The following GLG1 variants were observed in gnomAD, a reference collection of about 807,000 sequenced individuals.
GLG1 encodes the protein Golgi apparatus protein 1.
GLG1 carries 38 observed loss-of-function variants against 160.5 expected under a neutral mutation model. The observed-to-expected ratio is 0.24, with a 90% CI of 0.18 to 0.31. The LOEUF (loss-of-function observed/expected upper bound fraction) is 0.31, where lower values mean the gene tolerates loss of function less well. Among genes scored for constraint, GLG1 ranks in the 10% least tolerant of loss-of-function variants. The pLI, the probability that GLG1 is intolerant of heterozygous loss-of-function variation, is 1.00. For synonymous variants in GLG1, 644 were observed against 543.4 expected, an observed-to-expected ratio of 1.19 and a Z score of -2.57; for missense variants, 1,373 against 1,505.2, an observed-to-expected ratio of 0.91 and a Z score of 1.45.
intron 19 of GLG1, 113 bp from the exon 20 acceptor site, chr16:74,463,592 T>A: frequency 9.7e-7 from 1 of 1,035,408 alleles, no homozygotes; most frequent in Non-Finnish European, 1.4e-6. Context: ...CAGGCTGGAG[T>A]GCAGTGGCGC....
Position 74,462,194 on chromosome 16 carries a change from C to T in GLG1, c.2936G>A (p.Arg979His), listed in dbSNP as rs747801657. Residue 979 changes from arginine (R) to histidine (H), a missense_variant and splice_region_variant, in exon 22 of 26, where the codon CGC (arginine) becomes CAC (histidine). This residue lies in a region of GLG1 where 491 missense variants were observed against 632.1 expected (regional missense o/e 0.78). Coordinates refer to ENST00000422840, the MANE Select transcript of GLG1 (RefSeq NM_001145667.2). ...CTGGTCTTCACAGTCTGAAGACAGG[C>T]GCTGCATGTGACAAAGGGAGGATAC... ...SCLKLRYADQ[R>H]LSSDCEDQIR... is the part of the protein sequence containing the mutation. 26 of 1,563,702 alleles carry T rather than the reference C, an allele frequency of 1.7e-5. No homozygotes were observed. The Admixed American group carries it at 1.7e-4, about 10-fold the overall frequency.
intron 6 of GLG1, among the ~76,000 whole-genome samples, chr16:74,494,282 T>C (rs2016104265): frequency 1.3e-5 from 2 of 152,260 alleles, no homozygotes; most frequent in Admixed American, 1.3e-4. Flanking sequence ...TTCATTTTCT[T>C]GGTTTCAGCC....
chr16:74,601,930 G>C (rs1358066600), intron 1 of GLG1, among the ~76,000 whole-genome samples: 1 of 152,122 alleles, frequency 6.6e-6, no homozygotes, highest in Non-Finnish European at 1.5e-5. Flanking sequence ...TATAACATCA[G>C]ACAACTTACT....
At chr16:74,556,691 T>C (rs2018363075) in intron 1 of GLG1, among the ~76,000 whole-genome samples, 1 of 149,184 alleles carries the variant, frequency 6.7e-6, no homozygotes, top group African/African-American at 2.5e-5. Context: ...TATTATTTTT[T>C]TATTATTTTA....
Position 74,470,086 on chromosome 16 carries a change from GAGAA to G in GLG1, c.2230-17_2230-14del, listed in dbSNP as rs751404180. ...CCTTCATCTGCACCTGAAAGGTAAA[GAGAA>G]AGAAAGTCAGAAGTTTTGTGGCAAC... On this transcript the variant is annotated splice_polypyrimidine_tract_variant and intron_variant, in intron 15 of 25. Transcript: ENST00000422840. 6 of 1,550,272 alleles carry G rather than the reference GAGAA, an allele frequency of 3.9e-6. No homozygotes were observed. In the South Asian group the frequency reaches 4.5e-5, roughly 12 times the overall value.
At chr16:74,557,062 T>C (rs1486142640) in intron 1 of GLG1, among the ~76,000 whole-genome samples, 2 of 152,170 alleles carry the variant, frequency 1.3e-5, no homozygotes, top group East Asian at 1.9e-4. Context: ...AAAGAATCTT[T>C]ATATTTTTGC....
At chr16:74,591,150 G>A (rs1255693257) in intron 1 of GLG1, among the ~76,000 whole-genome samples, 1 of 151,894 alleles carries the variant, frequency 6.6e-6, no homozygotes, top group African/African-American at 2.4e-5. Context: ...AGCCAACACG[G>A]TGAAACCCCG....
chr16:74,516,604 G>C (rs1242533144), intron 2 of GLG1, among the ~76,000 whole-genome samples: 1 of 152,174 alleles, frequency 6.6e-6, no homozygotes, highest in Non-Finnish European at 1.5e-5. Context: ...GAGAAAGCAG[G>C]AAAGATCTAA....
intron 1 of GLG1, among the ~76,000 whole-genome samples, chr16:74,590,795 C>CAAAAAAAAAAAAAAAAA: frequency 1.4e-5 from 1 of 68,976 alleles, no homozygotes; most frequent in Non-Finnish European, 2.6e-5. Context: ...GAAACTGTCT[C>CAAAAAAAAAAAAAAAAA]AAAAAAAAAA....
intron 2 of GLG1, among the ~76,000 whole-genome samples, chr16:74,511,637 G>A (rs549452550): frequency 8.0e-5 from 12 of 150,450 alleles, no homozygotes; most frequent in African/African-American, 2.9e-4. Flanking sequence ...AAGCTTTCTG[G>A]TATCACAAAA....
chr16:74,486,432 T>C (rs1043683265), intron 8 of GLG1, among the ~76,000 whole-genome samples: 1 of 152,226 alleles, frequency 6.6e-6, no homozygotes, highest in South Asian at 2.1e-4. Context: ...AAATATCAAT[T>C]ACAAAAAACA....
chr16:74,518,784 T>C (rs1219344968), intron 2 of GLG1, among the ~76,000 whole-genome samples: 2 of 152,194 alleles, frequency 1.3e-5, no homozygotes, highest in African/African-American at 2.4e-5. Flanking sequence ...GAGAACATTT[T>C]TGCAATCTAT....
intron 2 of GLG1, among the ~76,000 whole-genome samples, chr16:74,522,351 C>T (rs191191328): frequency 1.1e-3 from 168 of 152,346 alleles, no homozygotes; most frequent in African/African-American, 4.0e-3. Context: ...GCTTTGAAAG[C>T]ACTAGCTGTG....
chr16:74,477,110 A>G (rs572332105), intron 12 of GLG1, among the ~76,000 whole-genome samples: 11 of 152,348 alleles, frequency 7.2e-5, no homozygotes, highest in South Asian at 6.2e-4. Context: ...GGCAGGCCAT[A>G]CCATTGGCTC....
Position 74,452,351 on chromosome 16 carries a change from T to G in GLG1, c.*816A>C. On this transcript the variant is annotated 3_prime_UTR_variant, in exon 26 of 26. Coordinates refer to ENST00000422840, the MANE Select transcript of GLG1 (RefSeq NM_001145667.2). ...TCCTGGGATCCTGCTGCCCCGGGAC[T>G]CAGGATCCAGCCTCTCAGTGCAGAT... is the stretch of plus-strand genomic sequence containing the variant. 2 of 1,371,510 alleles carry G rather than the reference T, an allele frequency of 1.5e-6. No individual in the cohort carries two copies. Among genetic ancestry groups the G allele is most frequent in the Non-Finnish European group, 1.9e-6 (2 of 1,059,508 alleles). The allele number at this position is 1,371,510 out of a possible 1,614,324, so 85.0% of individuals were successfully genotyped here. A position where few individuals can be genotyped will look rare whatever the true frequency, so the allele number is the denominator to read the frequency against.
chr16:74,518,115 C>T (rs1309755518), intron 2 of GLG1, among the ~76,000 whole-genome samples: 2 of 152,100 alleles, frequency 1.3e-5, no homozygotes, highest in Non-Finnish European at 2.9e-5. Context: ...GTGAAAATGG[C>T]CTTACTACCC....
intron 1 of GLG1, among the ~76,000 whole-genome samples, chr16:74,587,056 T>A (rs978931229): frequency 6.6e-6 from 1 of 152,140 alleles, no homozygotes; most frequent in South Asian, 2.1e-4. Context: ...ATGTCAGAAG[T>A]TAAAATCCAA....
rs369542984 is a variant in GLG1, at chr16:74,479,596, G to T, written c.1827+645C>A. On this transcript the variant is annotated intron_variant, in intron 11 of 25. Coordinates refer to ENST00000422840, the MANE Select transcript of GLG1 (RefSeq NM_001145667.2). ...GGCTTTTGCATTAAGCTCAGAAGGG[G>T]TATTTCTAAGGATGGATGAGAAGTG... Among the ~76,000 whole-genome samples, 69 of 152,266 alleles carry T rather than the reference G, an allele frequency of 4.5e-4. No homozygotes were observed. In the East Asian group the frequency reaches 8.5e-3, roughly 19 times the overall value.
chr16:74,558,054 A>C (rs187588469), intron 1 of GLG1, among the ~76,000 whole-genome samples: 15 of 152,342 alleles, frequency 9.8e-5, no homozygotes, highest in South Asian at 8.3e-4. Flanking sequence ...AGGTAGTTAA[A>C]AATTTAAAAT....
Sources: gnomAD v4.1 joint callset for allele counts (sites outside exome capture counted in the v4.1 genomes callset) on GRCh38, gnomAD v4.1.1 for gene constraint, gnomAD v4.1.1 regional missense constraint, MANE v1.5 for transcripts, NCBI Gene and HGNC (gene_info 2026-07-23, HGNC 2026-07-21) for gene names.